The following PRH1 variants were observed in gnomAD, a reference collection of about 807,000 sequenced individuals.
PRH1 encodes salivary acidic proline-rich phosphoprotein 1/2.
A neutral mutation model predicts 7.9 loss-of-function variants in PRH1; 7 were observed. The observed-to-expected ratio is 0.89, with a 90% CI of 0.50 to 1.67. PRH1 has a LOEUF of 1.67. Among genes scored for constraint, PRH1 ranks in the 40% most tolerant of loss-of-function variants. The pLI is 0.00. For synonymous variants in PRH1, 45 were observed against 80.8 expected (o/e 0.56, Z 2.38); for missense variants, 109 against 223.6 (o/e 0.49, Z 3.27).
chr12:11,125,190 A>G (rs1015793466), intron 1 of PRH1, among the ~76,000 whole-genome samples: 1 of 152,276 alleles, frequency 6.6e-6, no homozygotes, highest in Non-Finnish European at 1.5e-5. Context: ...ATACCCTCAC[A>G]TAATATTTCG....
chr12:11,143,599 C>T (rs1456851275), intron 1 of PRH1, among the ~76,000 whole-genome samples: 8 of 151,944 alleles, frequency 5.3e-5, no homozygotes, highest in Admixed American at 1.3e-4. Context: ...AAACACAATT[C>T]GCCTATACAG....
chr12:10,911,008 C>T (rs1232198007), intron 2 of PRH1, among the ~76,000 whole-genome samples: 3 of 152,034 alleles, frequency 2.0e-5, no homozygotes, highest in Non-Finnish European at 4.4e-5. Flanking sequence ...GTATATTTGT[C>T]AAGATAGAAT....
At chr12:10,981,181 G>A (rs890270459) in intron 1 of PRH1, among the ~76,000 whole-genome samples, 2 of 152,026 alleles carry the variant, frequency 1.3e-5, no homozygotes, top group Non-Finnish European at 2.9e-5. Flanking sequence ...GAACACTCAG[G>A]ATGTATCATA....
intron 2 of PRH1, among the ~76,000 whole-genome samples, chr12:10,898,022 T>C (rs1949673571): frequency 6.6e-6 from 1 of 152,210 alleles, no homozygotes; most frequent in South Asian, 2.1e-4. Context: ...ATTTTGTCAT[T>C]TCTAATTTCC....
chr12:10,916,101 A>G (rs1949968342), intron 2 of PRH1, among the ~76,000 whole-genome samples: 1 of 152,220 alleles, frequency 6.6e-6, no homozygotes, highest in Non-Finnish European at 1.5e-5. Context: ...AGACAAAGAA[A>G]GAGGAAAGGG....
intron 1 of PRH1, chr12:11,159,613 CA>C (rs1947355124): frequency 6.6e-6 from 1 of 152,160 alleles, no homozygotes; most frequent in Non-Finnish European, 1.5e-5. Flanking sequence ...TTTACCAGTC[CA>C]ATGAGCCCGT....
chr12:11,170,210 C>T (rs1197851664), intron 1 of PRH1, among the ~76,000 whole-genome samples: 2 of 152,190 alleles, frequency 1.3e-5, no homozygotes, highest in East Asian at 3.9e-4. Flanking sequence ...AGTATTGTGG[C>T]TATTAGAGAT....
chr12:11,042,506 A>T (rs1484846529), intron 1 of PRH1, among the ~76,000 whole-genome samples: 1 of 149,646 alleles, frequency 6.7e-6, no homozygotes, highest in Non-Finnish European at 1.5e-5. Flanking sequence ...AAAAAAAAAA[A>T]GCCTGGGAGC....
intron 2 of PRH1, among the ~76,000 whole-genome samples, chr12:10,903,931 CAAAAAAAAAA>C (rs546066515): frequency 6.4e-5 from 2 of 31,108 alleles, no homozygotes; most frequent in Non-Finnish European, 1.3e-4. Flanking sequence ...ACAATAGCCT[CAAAAAAAAAA>C]AAAAAAAAAA....
upstream of PRH1, chr12:10,884,325 G>A: frequency 2.9e-6 from 4 of 1,402,422 alleles, no homozygotes; most frequent in Non-Finnish European, 3.0e-6. Flanking sequence ...CCTACCAGGT[G>A]GGCCTCCTCG....
chr12:11,052,682 T>G (rs958656117), intron 1 of PRH1, among the ~76,000 whole-genome samples: 1 of 152,190 alleles, frequency 6.6e-6, no homozygotes, highest in Non-Finnish European at 1.5e-5. Context: ...ATTTTCCATT[T>G]CTTTCTCTCT....
At chr12:11,042,907 G>T (rs1332962689) in intron 1 of PRH1, among the ~76,000 whole-genome samples, 1 of 152,002 alleles carries the variant, frequency 6.6e-6, no homozygotes, top group Non-Finnish European at 1.5e-5. Context: ...GGGATTACAG[G>T]CGTGAGCCAC....
intron 1 of PRH1, chr12:10,997,554 G>A: frequency 6.2e-7 from 1 of 1,614,032 alleles, no homozygotes; most frequent in Non-Finnish European, 8.5e-7. Flanking sequence ...ACGATCTTGA[G>A]CAAATAAAAT....
chr12:11,145,781 A>G (rs1452808791), intron 1 of PRH1, among the ~76,000 whole-genome samples: 3 of 152,148 alleles, frequency 2.0e-5, no homozygotes, highest in African/African-American at 7.2e-5. Context: ...TGTAACAACT[A>G]TGAATATTCT....
rs1170012993 is a variant in PRH1 at position 10,883,565 on chromosome 12, T to A, written c.65-469A>T. ...CATCTGTAAATATGTTGTTTATGTT[T>A]GCAAGCCTTCTCAACAGGAGCCACC... On this transcript the variant is annotated intron_variant, in intron 1 of 3. Coordinates refer to ENST00000543626, the MANE Select transcript of PRH1 (RefSeq NM_001393989.1). Among the ~76,000 whole-genome samples the A allele has an allele frequency of 2.0e-5, 3 of 152,234 alleles. No homozygotes were observed. The East Asian group carries it at 5.8e-4, about 29-fold the overall frequency.
At chr12:10,956,089 A>G (rs947763362) in intron 2 of PRH1, among the ~76,000 whole-genome samples, 1 of 152,178 alleles carries the variant, frequency 6.6e-6, no homozygotes, top group Non-Finnish European at 1.5e-5. Flanking sequence ...CTACAAGGCT[A>G]ATATCACCCT....
At chr12:10,907,029 C>T (rs1298246202) in intron 2 of PRH1, among the ~76,000 whole-genome samples, 1 of 152,096 alleles carries the variant, frequency 6.6e-6, no homozygotes, top group Non-Finnish European at 1.5e-5. Context: ...TGAATTAAAA[C>T]TATGATGAGA....
At chr12:10,958,395 G>A (rs1025173834) in intron 2 of PRH1, among the ~76,000 whole-genome samples, 2 of 151,978 alleles carry the variant, frequency 1.3e-5, no homozygotes, top group East Asian at 1.9e-4. Context: ...CAGACACCAC[G>A]GTCTATGTGA....
chr12:11,052,290 A>T (rs1943181467), intron 1 of PRH1, among the ~76,000 whole-genome samples: 1 of 152,250 alleles, frequency 6.6e-6, no homozygotes, highest in South Asian at 2.1e-4. Context: ...ATCATTTTCA[A>T]TTTCTGTTTA....
Sources: gnomAD v4.1 joint callset for allele counts (sites outside exome capture counted in the v4.1 genomes callset) on GRCh38, gnomAD v4.1.1 for gene constraint, MANE v1.5 for transcripts, NCBI Gene and HGNC (gene_info 2026-07-23, HGNC 2026-07-21) for gene names.